MAGOH: variants seen among roughly 807,000 people sequenced by gnomAD.
MAGOH encodes the protein protein mago nashi homolog.
MAGOH carries 3 observed loss-of-function variants against 20.9 expected under a neutral mutation model. The ratio of observed to expected loss-of-function variants is 0.14; its 90% CI spans 0.07 to 0.37. The LOEUF is 0.37. MAGOH is among the 10% of genes least tolerant of loss of function. MAGOH has a pLI of 1.00. For synonymous variants in MAGOH, 51 were observed against 61.0 expected, an observed-to-expected ratio of 0.84 and a Z score of 0.76; for missense variants, 66 against 178.1, an observed-to-expected ratio of 0.37 and a Z score of 3.58.
chr1:53,233,342 C>A, intron 3 of MAGOH, 200 bp downstream of exon 3: 1 of 465,510 alleles, frequency 2.1e-6, no homozygotes, highest in Non-Finnish European at 3.8e-6. Context: ...AATTTAAATA[C>A]ATACACTGAA....
intron 3 of MAGOH, among the ~76,000 whole-genome samples, chr1:53,231,869 A>G (rs1197324721): frequency 6.6e-6 from 1 of 152,238 alleles, no homozygotes; most frequent in Non-Finnish European, 1.5e-5. Flanking sequence ...GAAAACTGAC[A>G]TCTTTATGAT....
At chr1:53,231,146 T>G (rs1190754554) in intron 3 of MAGOH, among the ~76,000 whole-genome samples, 2 of 152,260 alleles carry the variant, frequency 1.3e-5, no homozygotes, top group Non-Finnish European at 2.9e-5. Flanking sequence ...TATCTCACTG[T>G]TGTCCTTTCA....
At chr1:53,228,831 CA>C in intron 4 of MAGOH, 40 bp downstream of exon 4, 1 of 1,468,074 alleles carries the variant, frequency 6.8e-7, no homozygotes, top group Non-Finnish European at 9.5e-7. Flanking sequence ...CAATCTGCTC[CA>C]AAACAGACAC....
At chr1:53,231,208 G>C (rs560836405) in intron 3 of MAGOH, among the ~76,000 whole-genome samples, 1 of 152,130 alleles carries the variant, frequency 6.6e-6, no homozygotes, top group South Asian at 2.1e-4. Flanking sequence ...GTTTGATCTT[G>C]TAAGTTATCT....
intron 1 of MAGOH, among the ~76,000 whole-genome samples, chr1:53,236,415 T>C (rs988280805): frequency 6.6e-6 from 1 of 152,226 alleles, no homozygotes; most frequent in Non-Finnish European, 1.5e-5. Context: ...CAACATGGCA[T>C]ACAGCTAAGC....
At chr1:53,229,004 A>T (rs1471801896) in intron 3 of MAGOH, 50 bp from the exon 4 acceptor site, 1 of 1,203,550 alleles carries the variant, frequency 8.3e-7, no homozygotes, top group Non-Finnish European at 1.2e-6. Context: ...ATTATTCATC[A>T]AGCACACAGA....
intron 4 of MAGOH, among the ~76,000 whole-genome samples, chr1:53,228,362 G>A (rs2100301414): frequency 6.6e-6 from 1 of 152,246 alleles, no homozygotes; most frequent in South Asian, 2.1e-4. Context: ...AACTCAGGAG[G>A]CAGAGGTTGC....
chr1:53,228,848 G>C (rs755485866), intron 4 of MAGOH, 24 bp downstream of exon 4: 1 of 1,532,006 alleles, frequency 6.5e-7, no homozygotes, highest in East Asian at 2.2e-5. Flanking sequence ...GACACAACTG[G>C]ATATAAGGAT....
At chr1:53,236,910 T>A (rs1281109025) in intron 1 of MAGOH, among the ~76,000 whole-genome samples, 2 of 151,862 alleles carry the variant, frequency 1.3e-5, no homozygotes, top group Non-Finnish European at 2.9e-5. Context: ...CCTAAATCTT[T>A]CTCTCCATTT....
intron 3 of MAGOH, among the ~76,000 whole-genome samples, chr1:53,231,815 C>T (rs900964094): frequency 2.6e-5 from 4 of 152,092 alleles, no homozygotes; most frequent in Non-Finnish European, 5.9e-5. Context: ...AATCCTACTG[C>T]GATTTTTATT....
chr1:53,234,540 ATTTTT>A (rs1282214499), intron 2 of MAGOH, among the ~76,000 whole-genome samples: 1 of 151,598 alleles, frequency 6.6e-6, no homozygotes, highest in Non-Finnish European at 1.5e-5. Context: ...TGCCTGGCTA[ATTTTT>A]TTGTATTTTC....
chr1:53,228,291 G>A (rs1645570204), intron 4 of MAGOH, among the ~76,000 whole-genome samples: 1 of 152,130 alleles, frequency 6.6e-6, no homozygotes, highest in Admixed American at 6.5e-5. Context: ...AATTAGCCGG[G>A]TGTGGTGGCA....
chr1:53,228,774 G>A lies in MAGOH; in HGVS notation c.341+98C>T, dbSNP rs1645572636. On this transcript the variant is annotated intron_variant, in intron 4 of 4. Transcript: ENST00000371470. Reference sequence around the variant, plus strand: ...AGCTGCCCACCTGCATTTTGCATTTGCCCCAGCTCTTCCCATAATGGTCCC... The same window carrying A: ...AGCTGCCCACCTGCATTTTGCATTTACCCCAGCTCTTCCCATAATGGTCCC... 4.5e-6 allele frequency: 4 copies of A among 889,624 alleles called. No homozygotes were observed. The Admixed American group carries it at 8.0e-5, about 18-fold the overall frequency. The allele number at this position is 889,624 out of a possible 1,614,324, so 55.1% of individuals were successfully genotyped here.
At chr1:53,238,287 C>T (rs369651597) in intron 1 of MAGOH, 74 bp downstream of exon 1, 123 of 1,388,600 alleles carry the variant, frequency 8.9e-5, no homozygotes, top group Middle Eastern at 3.5e-4. Context: ...CCACAGATTT[C>T]CGACCCTCGG....
intron 3 of MAGOH, 138 bp from the exon 4 acceptor site, chr1:53,229,092 A>G: frequency 3.1e-6 from 2 of 639,720 alleles, no homozygotes; most frequent in Admixed American, 2.4e-5. Flanking sequence ...TCTGAGCACT[A>G]AACTGTGCTG....
At chr1:53,227,197 G>T in intron 4 of MAGOH, 53 bp from the exon 5 acceptor site, 1 of 986,544 alleles carries the variant, frequency 1.0e-6, no homozygotes, top group Non-Finnish European at 1.5e-6. Flanking sequence ...CCCATCAAGT[G>T]TCCCTAAAAA....
At chr1:53,236,465 ATTC>A (rs1397508106) in intron 1 of MAGOH, among the ~76,000 whole-genome samples, 1 of 151,608 alleles carries the variant, frequency 6.6e-6, no homozygotes, top group Admixed American at 6.6e-5. Flanking sequence ...TCCTGCCAAT[ATTC>A]TTCTCTCACA....
chr1:53,230,421 A>T (rs1645580733), intron 3 of MAGOH, among the ~76,000 whole-genome samples: 1 of 151,808 alleles, frequency 6.6e-6, no homozygotes, highest in African/African-American at 2.4e-5. Context: ...GTATGTTTTT[A>T]CTTATTTCTT....
rs1007870772 is a variant in MAGOH at position 53,238,508 on chromosome 1, C to T, written c.-60G>A. 3.4e-6 allele frequency: 5 copies of T among 1,464,698 alleles called. No individual in the cohort carries two copies. Among genetic ancestry groups the T allele is most frequent in the Middle Eastern group, 1.7e-4 (1 of 5,812 alleles). The allele number at this position is 1,464,698 out of a possible 1,614,324, so 90.7% of individuals were successfully genotyped here. On this transcript the variant is annotated 5_prime_UTR_variant, in exon 1 of 5. Coordinates refer to ENST00000371470, the MANE Select transcript of MAGOH (RefSeq NM_002370.4). ...GAGCAAGCCGCACTGCCGCCGTCTG[C>T]GCCCGACACTGACGTTTGCGGCGGC...
Sources: allele counts gnomAD v4.1 joint callset (sites outside exome capture counted in the v4.1 genomes callset), GRCh38; gene constraint gnomAD v4.1.1; transcripts MANE v1.5; gene names NCBI Gene and HGNC (gene_info 2026-07-23, HGNC 2026-07-21).